NRBF2: variants seen among roughly 807,000 people sequenced by gnomAD.
NRBF2 encodes the protein nuclear receptor binding factor 2, also known as nuclear receptor-binding factor 2.
A neutral mutation model predicts 28.5 loss-of-function variants in NRBF2; 12 were observed. The observed-to-expected ratio is 0.42, with a 90% CI of 0.27 to 0.68. NRBF2 has a LOEUF of 0.68. Ranked by LOEUF, NRBF2 falls within the 30% of genes least tolerant of loss-of-function variation. The probability of loss-of-function intolerance (pLI) is 0.24; values close to 1 mark genes in which losing one functional copy is unlikely to be tolerated. For missense variants in NRBF2, 274 were observed against 333.5 expected (o/e 0.82, Z 1.39); for synonymous variants, 102 against 116.5 (o/e 0.88, Z 0.80).
chr10:63,144,712 G>T (rs1001174759), intron 1 of NRBF2, among the ~76,000 whole-genome samples: 1 of 151,980 alleles, frequency 6.6e-6, no homozygotes, highest in Non-Finnish European at 1.5e-5. Context: ...CACCGCGCCC[G>T]GCCAGAATTA....
chr10:63,147,712 C>G (rs1841585611), intron 2 of NRBF2, among the ~76,000 whole-genome samples: 1 of 151,476 alleles, frequency 6.6e-6, no homozygotes, highest in Non-Finnish European at 1.5e-5. Flanking sequence ...ACCCATCAAC[C>G]TGTTGTCTAC....
intron 1 of NRBF2, among the ~76,000 whole-genome samples, chr10:63,135,250 A>G (rs868798): frequency 0.14 from 21,454 of 152,286 alleles, 2,219 homozygotes; most frequent in East Asian, 0.35. Context: ...TGGCAATGAA[A>G]TACAGTGGAT....
Position 63,153,662 on chromosome 10 carries a change from A to G in NRBF2, c.308A>G (p.Lys103Arg), listed in dbSNP as rs1841684210. 1 of 1,611,776 alleles carries G rather than the reference A, an allele frequency of 6.2e-7. No individual in the cohort carries two copies. Among genetic ancestry groups the G allele is most frequent in the South Asian group, 1.1e-5 (1 of 90,988 alleles). ...DAAAHLQTSH[K>R]PSAEDAEGQS... ...GCTGCCCATCTTCAGACATCTCACA[A>G]ACCCTCTGCAGAGGATGCAGAGGGC... The change falls in exon 4 of 4, where the codon AAA becomes AGA. Residue 103 changes from lysine (K) to arginine (R), a missense_variant. Lys to Arg is a conservative substitution (Grantham distance 26). Coordinates refer to ENST00000277746, the MANE Select transcript of NRBF2 (RefSeq NM_030759.5).
At chr10:63,148,204 A>G (rs929692405) in intron 2 of NRBF2, among the ~76,000 whole-genome samples, 1 of 152,334 alleles carries the variant, frequency 6.6e-6, no homozygotes, top group Non-Finnish European at 1.5e-5. Flanking sequence ...GAAGACTTAA[A>G]ACTGATGTTG....
chr10:63,133,366 GAGGGGCCGCAGT>G lies in NRBF2; in HGVS notation c.-104_-93del. Reference sequence around the variant, plus strand: ...CTATCGCTGGCTCTTGGGGCGCAGAGAGGGGCCGCAGTCTCCGCGGCTGCGTCGAGCTCCCTT... The same window carrying G: ...CTATCGCTGGCTCTTGGGGCGCAGAGCTCCGCGGCTGCGTCGAGCTCCCTT... On this transcript the variant is annotated 5_prime_UTR_variant, in exon 1 of 4. Transcript: ENST00000277746. The G allele has an allele frequency of 7.4e-7, 1 of 1,346,868 alleles. No homozygotes were observed. Among genetic ancestry groups the G allele is most frequent in the Non-Finnish European group, 1.0e-6 (1 of 959,184 alleles). 83.4% of individuals were successfully genotyped at this position (1,346,868 alleles called of 1,614,324 possible).
intron 1 of NRBF2, among the ~76,000 whole-genome samples, chr10:63,133,770 G>C (rs1841327642): frequency 6.6e-6 from 1 of 152,320 alleles, no homozygotes; most frequent in East Asian, 1.9e-4. Flanking sequence ...ACCTGGGGCT[G>C]CCACCTCCTC....
chr10:63,146,159 T>G, intron 1 of NRBF2, 50 bp from the exon 2 acceptor site: 2 of 1,442,986 alleles, frequency 1.4e-6, no homozygotes, highest in Non-Finnish European at 1.9e-6. Context: ...TTGAAAGAAA[T>G]CATGTTTTAT....
At chr10:63,139,588 A>G (rs1194675733) in intron 1 of NRBF2, among the ~76,000 whole-genome samples, 2 of 152,176 alleles carry the variant, frequency 1.3e-5, no homozygotes, top group African/African-American at 2.4e-5. Context: ...CTCCAAAGAA[A>G]GGTGCAGGAA....
intron 1 of NRBF2, among the ~76,000 whole-genome samples, chr10:63,139,642 T>C (rs1841432174): frequency 6.6e-6 from 1 of 152,238 alleles, no homozygotes; most frequent in Non-Finnish European, 1.5e-5. Flanking sequence ...GTATAGAGCC[T>C]GTCAGTCCGA....
intron 2 of NRBF2, among the ~76,000 whole-genome samples, chr10:63,150,760 C>T (rs1190782562): frequency 1.3e-5 from 2 of 152,006 alleles, no homozygotes; most frequent in Non-Finnish European, 2.9e-5. Context: ...TCAGTGGGAG[C>T]CCTGAGCTTG....
At chr10:63,139,564 G>A (rs1457476839) in intron 1 of NRBF2, among the ~76,000 whole-genome samples, 2 of 152,182 alleles carry the variant, frequency 1.3e-5, no homozygotes, top group Admixed American at 6.6e-5. Flanking sequence ...AGCCAAAAGA[G>A]ATAATTTACT....
chr10:63,150,374 A>G, intron 2 of NRBF2: 1 of 983,216 alleles, frequency 1.0e-6, no homozygotes, highest in Non-Finnish European at 1.2e-6. Context: ...TAGCTGGAGC[A>G]AAGACTGTAT....
intron 2 of NRBF2, among the ~76,000 whole-genome samples, chr10:63,149,857 A>G (rs1486303590): frequency 6.6e-6 from 1 of 152,214 alleles, no homozygotes; most frequent in African/African-American, 2.4e-5. Flanking sequence ...AGACAAATAT[A>G]TGCAGGCAAG....
intron 1 of NRBF2, among the ~76,000 whole-genome samples, chr10:63,142,064 G>A (rs572795666): frequency 7.2e-5 from 11 of 152,192 alleles, no homozygotes; most frequent in African/African-American, 1.7e-4. Flanking sequence ...AATTTATTCC[G>A]TCATCACAGA....
rs186332112 is a variant in NRBF2 at position 63,148,582 on chromosome 10, G to A, written c.115+2289G>A. Among the ~76,000 whole-genome samples, 5 of 152,352 alleles carry A rather than the reference G, an allele frequency of 3.3e-5. No individual in the cohort carries two copies. In the East Asian group the frequency reaches 9.6e-4, roughly 29 times the overall value. ...ATTTAAGGGCAAACAGAGGGGACCT[G>A]GGTGTCCACCTGTCAAAGATCAGAG... On this transcript the variant is annotated intron_variant, in intron 2 of 3. Transcript: ENST00000277746.
chr10:63,142,947 AT>A (rs1207504801), intron 1 of NRBF2, among the ~76,000 whole-genome samples: 9 of 151,602 alleles, frequency 5.9e-5, no homozygotes, highest in Non-Finnish European at 1.2e-4. Context: ...TGCCTGGCTA[AT>A]TTTTGTACTT....
intron 1 of NRBF2, among the ~76,000 whole-genome samples, chr10:63,145,434 CCT>C (rs1173759051): frequency 6.6e-6 from 1 of 152,186 alleles, no homozygotes; most frequent in Non-Finnish European, 1.5e-5. Flanking sequence ...GTCTTGAACT[CCT>C]GACCTCAGAT....
chr10:63,145,494 C>CCACT (rs1841546479), intron 1 of NRBF2, among the ~76,000 whole-genome samples: 1 of 152,204 alleles, frequency 6.6e-6, no homozygotes, highest in Non-Finnish European at 1.5e-5. Flanking sequence ...CAGCCATGAG[C>CCACT]CACTGTGCCT....
chr10:63,152,010 T>A, intron 2 of NRBF2, 140 bp from the exon 3 acceptor site: 1 of 525,056 alleles, frequency 1.9e-6, no homozygotes, highest in Middle Eastern at 4.0e-4. Flanking sequence ...AAGTTAAGAA[T>A]TCTTTTAAAA....
Sources: gnomAD v4.1 joint callset for allele counts (sites outside exome capture counted in the v4.1 genomes callset) on GRCh38, gnomAD v4.1.1 for gene constraint, MANE v1.5 for transcripts, NCBI Gene and HGNC (gene_info 2026-07-23, HGNC 2026-07-21) for gene names.